BRINP3: variants seen among roughly 807,000 people sequenced by gnomAD.
BRINP3 encodes BMP/retinoic acid-inducible neural-specific protein 3.
BRINP3 carries 19 observed loss-of-function variants against 71.0 expected under a neutral mutation model. The observed-to-expected ratio is 0.27, with a 90% CI of 0.19 to 0.39. The LOEUF is 0.39. Ranked by LOEUF, BRINP3 falls within the 10% of genes least tolerant of loss-of-function variation. The probability of loss-of-function intolerance (pLI) is 1.00; values close to 1 mark genes in which losing one functional copy is unlikely to be tolerated. For missense variants in BRINP3, 959 were observed against 940.8 expected (o/e 1.02, Z -0.25); for synonymous variants, 380 against 337.7 (o/e 1.13, Z -1.37).
intron 1 of BRINP3, among the ~76,000 whole-genome samples, chr1:190,460,908 C>T (rs1676351365): frequency 6.6e-6 from 1 of 152,112 alleles, no homozygotes; most frequent in Admixed American, 6.6e-5. Flanking sequence ...TTTCTCCACC[C>T]CCATTTTACT....
intron 2 of BRINP3, among the ~76,000 whole-genome samples, chr1:190,366,108 TTC>T (rs34319837): frequency 0.18 from 27,589 of 151,850 alleles, 2,493 homozygotes; most frequent in Middle Eastern, 0.21. Flanking sequence ...TTGGAAATTT[TTC>T]TCTGTTGTTA....
At chr1:190,115,362 C>G (rs781688181) in intron 7 of BRINP3, among the ~76,000 whole-genome samples, 1 of 152,240 alleles carries the variant, frequency 6.6e-6, no homozygotes, top group South Asian at 2.1e-4. Flanking sequence ...CACTACACTT[C>G]AGTTTCCAAA....
chr1:190,456,280 T>C (rs1675981812), intron 1 of BRINP3, among the ~76,000 whole-genome samples: 1 of 152,198 alleles, frequency 6.6e-6, no homozygotes, highest in Non-Finnish European at 1.5e-5. Context: ...ATGAGTGAAC[T>C]CTTAATATCA....
intron 6 of BRINP3, among the ~76,000 whole-genome samples, chr1:190,222,469 A>G (rs10920662): frequency 6.6e-6 from 1 of 151,648 alleles, no homozygotes; most frequent in Admixed American, 6.6e-5. Context: ...ACTTCAAATA[A>G]CCTAACAATG....
intron 2 of BRINP3, among the ~76,000 whole-genome samples, chr1:190,392,942 G>A (rs896511236): frequency 6.6e-6 from 1 of 151,580 alleles, no homozygotes; most frequent in Non-Finnish European, 1.5e-5. Flanking sequence ...ACTATACTTT[G>A]TAGTTATGGC....
intron 3 of BRINP3, among the ~76,000 whole-genome samples, chr1:190,274,054 T>G (rs780061038): frequency 2.6e-4 from 40 of 151,566 alleles, no homozygotes; most frequent in Non-Finnish European, 5.9e-5. Flanking sequence ...GTTGATATAA[T>G]GCAAGTTTGG....
intron 7 of BRINP3, among the ~76,000 whole-genome samples, chr1:190,116,457 A>C (rs1272668011): frequency 6.6e-6 from 1 of 152,070 alleles, no homozygotes; most frequent in Non-Finnish European, 1.5e-5. Flanking sequence ...CTCTAATCAT[A>C]ACCAATGGTG....
chr1:190,433,367 C>G (rs1674234707), intron 2 of BRINP3, among the ~76,000 whole-genome samples: 1 of 152,170 alleles, frequency 6.6e-6, no homozygotes, highest in African/African-American at 2.4e-5. Flanking sequence ...CCTCTACGAT[C>G]TACTTTCTGG....
At chr1:190,416,450 T>G (rs2102435017) in intron 2 of BRINP3, among the ~76,000 whole-genome samples, 1 of 151,918 alleles carries the variant, frequency 6.6e-6, no homozygotes, top group East Asian at 1.9e-4. Context: ...CCTAGAGGAG[T>G]TGCTAGCACA....
In BRINP3 at chr1:190,404,679, T is replaced by C. The variant is rs186616134; in HGVS notation, c.236+49976A>G. Among the ~76,000 whole-genome samples, 90 of 152,316 alleles carry C rather than the reference T, an allele frequency of 5.9e-4. 1 individual carries two copies. In the Middle Eastern group the frequency reaches 0.017, roughly 29 times the overall value. ...TTGGCCCTTCAAAACCCTGTGAGTT[T>C]GCCAGAGAATATAAATTATTAACAA... On this transcript the variant is annotated intron_variant, in intron 2 of 7. Coordinates refer to ENST00000367462, the MANE Select transcript of BRINP3 (RefSeq NM_199051.3).
At chr1:190,450,654 G>A (rs1675545624) in intron 2 of BRINP3, among the ~76,000 whole-genome samples, 1 of 151,832 alleles carries the variant, frequency 6.6e-6, no homozygotes, top group Non-Finnish European at 1.5e-5. Context: ...GTACTTAAAT[G>A]GATTCTTATG....
intron 4 of BRINP3, among the ~76,000 whole-genome samples, chr1:190,262,710 C>G (rs1425518497): frequency 6.6e-6 from 1 of 152,196 alleles, no homozygotes; most frequent in African/African-American, 2.4e-5. Context: ...CCAGATTACT[C>G]TTTCTTCCCT....
intron 2 of BRINP3, among the ~76,000 whole-genome samples, chr1:190,425,056 C>T (rs1312702628): frequency 6.6e-6 from 1 of 151,550 alleles, no homozygotes; most frequent in Non-Finnish European, 1.5e-5. Flanking sequence ...ACAAAGAGAA[C>T]TGACACTTCA....
In BRINP3 at chr1:190,229,645, AACACACACACACAC is replaced by A. The variant is rs71794093; in HGVS notation, c.725-3341_725-3328del. On this transcript the variant is annotated intron_variant, in intron 5 of 7. Transcript: ENST00000367462. ...CCCAGAGTAAAGAAAAACAAAACAA[AACACACACACACAC>A]ACACACACACACACACACACACACA... 5.7e-4 allele frequency among the ~76,000 whole-genome samples: 76 copies of A among 133,520 alleles called. 1 individual carries two copies. The highest frequency in any genetic ancestry group is 3.9e-3 in the Middle Eastern group (1 of 258). The allele number at this position is 133,520 out of a possible 152,430, so 87.6% of individuals were successfully genotyped here.
chr1:190,112,097 C>A (rs1427460356), intron 7 of BRINP3, among the ~76,000 whole-genome samples: 4 of 152,052 alleles, frequency 2.6e-5, no homozygotes, highest in Non-Finnish European at 5.9e-5. Context: ...AGGTGATTTT[C>A]TTTCACCAAA....
chr1:190,123,060 T>A (rs1272454092), intron 7 of BRINP3, among the ~76,000 whole-genome samples: 2 of 152,126 alleles, frequency 1.3e-5, no homozygotes, highest in African/African-American at 4.8e-5. Context: ...GATTTACCTG[T>A]CTTCTCAAAC....
At chr1:190,454,247 A>G (rs1675838204) in intron 2 of BRINP3, among the ~76,000 whole-genome samples, 1 of 152,214 alleles carries the variant, frequency 6.6e-6, no homozygotes, top group Non-Finnish European at 1.5e-5. Flanking sequence ...AGGTGACTCA[A>G]CTTCTCAGTG....
In BRINP3 at chr1:190,242,058, T is replaced by C. The variant is rs529649369; in HGVS notation, c.619-7581A>G. Reference sequence around the variant, plus strand: ...AGACTGCAATTCAATGTAGTTCCACTTTTTTACCCAGTTGAAATATTTCTG... The same window carrying C: ...AGACTGCAATTCAATGTAGTTCCACCTTTTTACCCAGTTGAAATATTTCTG... On this transcript the variant is annotated intron_variant, in intron 4 of 7. Transcript: ENST00000367462. Among the ~76,000 whole-genome samples, 16 of 151,950 alleles carry C rather than the reference T, an allele frequency of 1.1e-4. No homozygotes were observed. The South Asian group carries it at 2.7e-3, about 26-fold the overall frequency.
At chr1:190,306,681 A>G (rs914882606) in intron 2 of BRINP3, among the ~76,000 whole-genome samples, 8 of 151,542 alleles carry the variant, frequency 5.3e-5, no homozygotes, top group Non-Finnish European at 1.2e-4. Context: ...TTTTAATTCC[A>G]TGTCCTAGAG....
Sources: gnomAD v4.1 joint callset for allele counts (sites outside exome capture counted in the v4.1 genomes callset) on GRCh38, gnomAD v4.1.1 for gene constraint, MANE v1.5 for transcripts, NCBI Gene and HGNC (gene_info 2026-07-23, HGNC 2026-07-21) for gene names.